Variants in HECW1 observed in about 807,000 individuals in gnomAD.
The protein encoded by HECW1 is HECT, C2 and WW domain containing E3 ubiquitin protein ligase 1.
HECW1 carries 61 observed loss-of-function variants against 182.3 expected under a neutral mutation model. The ratio of observed to expected loss-of-function variants is 0.33; its 90% CI spans 0.27 to 0.41. The LOEUF (loss-of-function observed/expected upper bound fraction) is 0.41. HECW1 is among the 10% of genes least tolerant of loss of function. HECW1 has a pLI of 1.00. For synonymous variants in HECW1, 859 were observed against 832.6 expected (o/e 1.03, Z -0.55); for missense variants, 1,739 against 2,108.9 (o/e 0.82, Z 3.44).
chr7:43,308,092 A>T (rs1172166306), intron 3 of HECW1, among the ~76,000 whole-genome samples: 1 of 104,810 alleles, frequency 9.5e-6, no homozygotes, highest in Non-Finnish European at 1.7e-5. Context: ...ATTATATATT[A>T]TATATGTTAT....
At chr7:43,234,859 C>T (rs73690280) in intron 2 of HECW1, among the ~76,000 whole-genome samples, 3,184 of 152,284 alleles carry the variant, frequency 0.021, 109 homozygotes, top group African/African-American at 0.061. Flanking sequence ...TGAGTGAATG[C>T]ATGAATGAAA....
chr7:43,312,846 T>C (rs762726991), intron 4 of HECW1, among the ~76,000 whole-genome samples: 1 of 152,242 alleles, frequency 6.6e-6, no homozygotes, highest in Non-Finnish European at 1.5e-5. Flanking sequence ...TCAGCTGTCA[T>C]GGAAATTGAT....
At chr7:43,258,350 T>TA (rs908737877) in intron 3 of HECW1, among the ~76,000 whole-genome samples, 11 of 126,324 alleles carry the variant, frequency 8.7e-5, no homozygotes, top group Non-Finnish European at 1.5e-4. Flanking sequence ...CTCAAAAAAA[T>TA]AAAAAATAAA....
intron 5 of HECW1, among the ~76,000 whole-genome samples, chr7:43,326,841 C>G (rs1039109756): frequency 2.0e-5 from 3 of 152,200 alleles, no homozygotes; most frequent in African/African-American, 7.2e-5. Flanking sequence ...CCTTCTCTCC[C>G]TTGACATTCA....
intron 24 of HECW1, among the ~76,000 whole-genome samples, chr7:43,514,024 T>C (rs1474746809): frequency 1.9e-4 from 29 of 152,116 alleles, no homozygotes; most frequent in Admixed American, 1.9e-3. Context: ...CCAGTCCCAA[T>C]GGCCAAACCC....
chr7:43,423,570 G>T (rs2076263394), intron 8 of HECW1, among the ~76,000 whole-genome samples: 2 of 152,174 alleles, frequency 1.3e-5, no homozygotes, highest in Non-Finnish European at 2.9e-5. Flanking sequence ...TGGAGTTTTT[G>T]AGTGCAGCAG....
At chr7:43,290,385 T>C (rs1379594653) in intron 3 of HECW1, among the ~76,000 whole-genome samples, 1 of 152,222 alleles carries the variant, frequency 6.6e-6, no homozygotes, top group African/African-American at 2.4e-5. Context: ...GGGTGTGACT[T>C]GCATTGCATG....
In HECW1 at chr7:43,444,302, G is replaced by A. The variant is rs750039042; in HGVS notation, c.1130G>A (p.Ser377Asn). ...SPMNNLMESGSGEPRSEAPES... is the reference protein window; with the variant it reads ...SPMNNLMESGNGEPRSEAPES... ...ATGAACAACCTGATGGAAAGCGGCA[G>A]TGGGGAACCTCGGTCTGAGGCACCA... The change falls in exon 11 of 30, where the codon AGT (serine) becomes AAT (asparagine). Residue 377 changes from serine (S) to asparagine (N), a missense_variant. This residue lies in a region of HECW1 where 971 missense variants were observed against 1,029.1 expected (regional missense o/e 0.94). Transcript: ENST00000395891. The surrounding 1 kb of genome is among the most constrained non-coding windows in gnomAD (Gnocchi z 4.3). 6 of 1,614,096 alleles carry A rather than the reference G, an allele frequency of 3.7e-6. No individual in the cohort carries two copies. In the East Asian group the frequency reaches 1.1e-4, roughly 30 times the overall value.
intron 3 of HECW1, among the ~76,000 whole-genome samples, chr7:43,282,691 C>G (rs1199537897): frequency 6.6e-6 from 1 of 152,138 alleles, no homozygotes; most frequent in African/African-American, 2.4e-5. Context: ...TAAACACTTT[C>G]AATAATTATA....
intron 5 of HECW1, among the ~76,000 whole-genome samples, chr7:43,324,608 T>C (rs1268669979): frequency 6.6e-6 from 1 of 152,126 alleles, no homozygotes; most frequent in Non-Finnish European, 1.5e-5. Flanking sequence ...ATCCAAAGGG[T>C]TACAGAAGCT....
intron 17 of HECW1, among the ~76,000 whole-genome samples, chr7:43,480,666 TAC>T (rs1326065648): frequency 3.4e-5 from 5 of 149,028 alleles, no homozygotes; most frequent in African/African-American, 7.3e-5. Flanking sequence ...TGTATATATA[TAC>T]ACACACATAT....
chr7:43,466,644 A>C (rs2077792220), intron 15 of HECW1, 76 bp downstream of exon 15: 2 of 1,461,410 alleles, frequency 1.4e-6, no homozygotes, highest in East Asian at 2.3e-5. Context: ...GTCATCTGAT[A>C]GATCTAAAAG....
intron 3 of HECW1, among the ~76,000 whole-genome samples, chr7:43,267,517 C>G (rs1254034577): frequency 6.6e-6 from 1 of 151,516 alleles, no homozygotes; most frequent in Non-Finnish European, 1.5e-5. Context: ...AAGAAAATAA[C>G]TGTGTTCAAG....
intron 7 of HECW1, among the ~76,000 whole-genome samples, chr7:43,405,816 G>A (rs1415481482): frequency 6.6e-6 from 1 of 152,216 alleles, no homozygotes; most frequent in Non-Finnish European, 1.5e-5. Context: ...CAGTTGAGTA[G>A]TCTCAGGCTG....
Position 43,471,608 on chromosome 7 carries a change from G to A in HECW1, c.3099+2503G>A, listed in dbSNP as rs554531893. On this transcript the variant is annotated intron_variant, in intron 16 of 29. Transcript: ENST00000395891. ...GAACACGCTGGCATCTGACTCATCT[G>A]CCATCTTCAGAGTCTGAGAAAGGAG... 5.9e-5 allele frequency among the ~76,000 whole-genome samples: 9 copies of A among 152,318 alleles called. No homozygotes were observed. The East Asian group carries it at 1.7e-3, about 29-fold the overall frequency.
In HECW1 at chr7:43,166,093, G is replaced by GT. The variant is rs1006956528; in HGVS notation, c.-32+51710dup. On this transcript the variant is annotated intron_variant, in intron 2 of 29. Coordinates refer to ENST00000395891, the MANE Select transcript of HECW1 (RefSeq NM_015052.5). The stretch of plus-strand genomic sequence containing the variant: ...GGATTTTTGTTTGTTTGTGTTTTTG[G>GT]TTTTTTTTGAGACAGAGTTTCACTC... Among the ~76,000 whole-genome samples, 22 of 151,924 alleles carry GT rather than the reference G, an allele frequency of 1.4e-4. No individual in the cohort carries two copies. The East Asian group carries it at 1.9e-3, about 13-fold the overall frequency.
At chr7:43,425,127 A>G (rs116362260) in intron 8 of HECW1, among the ~76,000 whole-genome samples, 2,377 of 152,232 alleles carry the variant, frequency 0.016, 56 homozygotes, top group African/African-American at 0.053. Context: ...CAAAGCCATA[A>G]AGCCATAGCA....
At chr7:43,467,183 T>A (rs1373483028) in intron 15 of HECW1, among the ~76,000 whole-genome samples, 2 of 151,848 alleles carry the variant, frequency 1.3e-5, no homozygotes, top group African/African-American at 4.8e-5. Context: ...ACCTAAAGAG[T>A]AGGAGTTCCC....
chr7:43,215,244 C>T (rs1019970133), intron 2 of HECW1, among the ~76,000 whole-genome samples: 27 of 152,226 alleles, frequency 1.8e-4, no homozygotes, highest in Admixed American at 1.5e-3. Flanking sequence ...CCTTGCTGTG[C>T]CCGCATTAAC....
Sources: allele counts gnomAD v4.1 joint callset (sites outside exome capture counted in the v4.1 genomes callset), GRCh38; gene constraint gnomAD v4.1.1; regional missense constraint gnomAD v4.1.1; non-coding constraint Gnocchi (gnomAD v3.1); transcripts MANE v1.5; gene names NCBI Gene and HGNC (gene_info 2026-07-23, HGNC 2026-07-21).